The following ATP10B variants were observed in gnomAD, a reference collection of about 807,000 sequenced individuals.
The protein encoded by ATP10B is ATPase phospholipid transporting 10B (putative).
A neutral mutation model predicts 141.2 loss-of-function variants in ATP10B; 122 were observed. The ratio of observed to expected loss-of-function variants is 0.86; its 90% CI spans 0.75 to 1.00. ATP10B has a LOEUF of 1.00. Ranked by LOEUF, ATP10B falls within the 50% of genes least tolerant of loss-of-function variation. The pLI is 0.00. For synonymous variants in ATP10B, 685 were observed against 692.0 expected (o/e 0.99, Z 0.16); for missense variants, 1,876 against 1,825.3 (o/e 1.03, Z -0.51).
At chr5:160,755,833 AAAAAAATATATATATATATATATAT>A (rs1449166921) in intron 2 of ATP10B, among the ~76,000 whole-genome samples, 18 of 71,308 alleles carry the variant, frequency 2.5e-4, no homozygotes, top group African/African-American at 1.4e-3. Flanking sequence ...AAAAAAAAAA[AAAAAAATATATATATATATATATAT>A]ATATATATAT....
At chr5:160,664,462 C>T (rs1476867923) in intron 7 of ATP10B, among the ~76,000 whole-genome samples, 2 of 152,178 alleles carry the variant, frequency 1.3e-5, no homozygotes, top group Non-Finnish European at 2.9e-5. Context: ...TGGTGGCATG[C>T]AAGCTAGTCA....
chr5:160,908,431 T>G, the ATP10B span, among the ~76,000 whole-genome samples: 1 of 152,226 alleles, frequency 6.6e-6, no homozygotes, highest in Non-Finnish European at 1.5e-5. Context: ...AGTGAAAGAC[T>G]ATGGATTCAA....
At chr5:160,753,793 C>A (rs1768328111) in intron 2 of ATP10B, among the ~76,000 whole-genome samples, 1 of 152,088 alleles carries the variant, frequency 6.6e-6, no homozygotes, top group Non-Finnish European at 1.5e-5. Context: ...CCATATACTA[C>A]CCTTAGAAGC....
intron 2 of ATP10B, among the ~76,000 whole-genome samples, chr5:160,755,228 A>G (rs777292579): frequency 1.1e-4 from 17 of 151,956 alleles, no homozygotes; most frequent in Non-Finnish European, 1.6e-4. Context: ...GGTGCCACAC[A>G]CTTTTAAAGG....
rs1312411735 is a variant in ATP10B at position 160,772,026 on chromosome 5, G to A, written c.-331+13533C>T. On this transcript the variant is annotated intron_variant, in intron 2 of 25. Transcript: ENST00000327245. ...TGCAAGAGAGATTTGAAGTGTGACA[G>A]GTGAATATTTAAGTTGCTTCCATAA... Among the ~76,000 whole-genome samples, 3 of 152,248 alleles carry A rather than the reference G, an allele frequency of 2.0e-5. No homozygotes were observed. The East Asian group carries it at 5.8e-4, about 29-fold the overall frequency.
chr5:160,805,392 G>T (rs1468161031), intron 1 of ATP10B, among the ~76,000 whole-genome samples: 1 of 152,162 alleles, frequency 6.6e-6, no homozygotes, highest in Non-Finnish European at 1.5e-5. Flanking sequence ...TAATTGTCTT[G>T]TTAAATCTGA....
At position 160,670,483 on chromosome 5, in the gene ATP10B, C is replaced by T. The variant is rs139187738; in HGVS notation, c.655G>A (p.Val219Met). 2.6e-5 allele frequency: 42 copies of T among 1,613,984 alleles called. No homozygotes were observed. The East Asian group carries it at 3.6e-4, about 14-fold the overall frequency. ...GETNLKQRCV[V>M]KGFSQQEVQF... ...CCTACCTGCTGTGAGAAGCCCTTCA[C>T]GACACATCTTTGCTTGAGGTTTGTC... Residue 219 changes from valine to methionine, a missense_variant, in exon 7 of 26, where the codon GTG (valine) becomes ATG (methionine). Val to Met is a conservative substitution (Grantham distance 21). Coordinates refer to ENST00000327245, the MANE Select transcript of ATP10B (RefSeq NM_025153.3).
At chr5:160,770,132 TTC>T (rs1169982678) in intron 2 of ATP10B, among the ~76,000 whole-genome samples, 2 of 152,072 alleles carry the variant, frequency 1.3e-5, no homozygotes, top group African/African-American at 2.4e-5. Flanking sequence ...TTCTGTCTCT[TTC>T]TCTCTGTGTC....
intron 3 of ATP10B, among the ~76,000 whole-genome samples, chr5:160,715,691 T>TATTTATTC (rs1765591079): frequency 6.9e-6 from 1 of 145,940 alleles, no homozygotes; most frequent in African/African-American, 2.6e-5. Context: ...TAGCTTGCTT[T>TATTTATTC]ATTTATTTAT....
intron 22 of ATP10B, among the ~76,000 whole-genome samples, chr5:160,592,716 C>T (rs1175520860): frequency 1.3e-5 from 2 of 152,254 alleles, no homozygotes; most frequent in African/African-American, 4.8e-5. Flanking sequence ...CACCCTAATA[C>T]TGTGCTTTTC....
chr5:160,784,692 T>C (rs540154060), intron 2 of ATP10B, among the ~76,000 whole-genome samples: 1 of 152,256 alleles, frequency 6.6e-6, no homozygotes, highest in South Asian at 2.1e-4. Flanking sequence ...TACCCATGAC[T>C]AGAGGGGAGG....
At chr5:160,883,532 A>C in the ATP10B span, among the ~76,000 whole-genome samples, 3 of 152,154 alleles carry the variant, frequency 2.0e-5, no homozygotes, top group Non-Finnish European at 4.4e-5. Context: ...TAAGCACTAG[A>C]AGCACTAGAA....
chr5:160,896,793 A>G, the ATP10B span, among the ~76,000 whole-genome samples: 1 of 152,336 alleles, frequency 6.6e-6, no homozygotes, highest in East Asian at 1.9e-4. Context: ...AAAATCCTCA[A>G]TAAAATACTG....
intron 1 of ATP10B, among the ~76,000 whole-genome samples, chr5:160,833,566 A>G (rs945024640): frequency 6.6e-6 from 1 of 152,206 alleles, no homozygotes; most frequent in Admixed American, 6.6e-5. Flanking sequence ...CAGGCAAAGG[A>G]GCAGGAAAAG....
chr5:160,772,402 G>T (rs1769969686), intron 2 of ATP10B, among the ~76,000 whole-genome samples: 1 of 152,178 alleles, frequency 6.6e-6, no homozygotes, highest in Non-Finnish European at 1.5e-5. Flanking sequence ...GAAGCCAACG[G>T]GAGGTGGTGT....
At chr5:160,708,294 G>A (rs182257073) in intron 3 of ATP10B, among the ~76,000 whole-genome samples, 16 of 152,228 alleles carry the variant, frequency 1.1e-4, no homozygotes, top group Admixed American at 8.5e-4. Context: ...AAATTAACAC[G>A]TGCAGGTAGC....
At chr5:160,647,467 T>G (rs1760375801) in intron 8 of ATP10B, among the ~76,000 whole-genome samples, 1 of 152,092 alleles carries the variant, frequency 6.6e-6, no homozygotes, top group African/African-American at 2.4e-5. Context: ...GAGCAGCAAC[T>G]AGGAAGAGGA....
the ATP10B span, among the ~76,000 whole-genome samples, chr5:160,886,287 G>A: frequency 6.6e-6 from 1 of 152,208 alleles, no homozygotes; most frequent in Non-Finnish European, 1.5e-5. Context: ...GTTATTTAGG[G>A]TGGAGATCAA....
intron 22 of ATP10B, among the ~76,000 whole-genome samples, chr5:160,595,680 A>G (rs1435650819): frequency 5.3e-5 from 8 of 152,210 alleles, no homozygotes; most frequent in Non-Finnish European, 1.0e-4. Flanking sequence ...GAAGAATCAA[A>G]TAGATGCAAT....
Sources: gnomAD v4.1 joint callset for allele counts (sites outside exome capture counted in the v4.1 genomes callset) on GRCh38, gnomAD v4.1.1 for gene constraint, MANE v1.5 for transcripts, NCBI Gene and HGNC (gene_info 2026-07-23, HGNC 2026-07-21) for gene names.